The following SNRPD1 variants were observed in gnomAD, a reference collection of about 807,000 sequenced individuals.
The protein encoded by SNRPD1 is small nuclear ribonucleoprotein D1 polypeptide, also known as small nuclear ribonucleoprotein Sm D1.
SNRPD1 carries 1 observed loss-of-function variant against 14.4 expected under a neutral mutation model. That is an observed-to-expected ratio of 0.07 (90% CI 0.02 to 0.33). SNRPD1 has a LOEUF of 0.33. Ranked by LOEUF, SNRPD1 falls within the 10% of genes least tolerant of loss-of-function variation. The pLI is 1.00. For synonymous variants in SNRPD1, 42 were observed against 50.3 expected, an observed-to-expected ratio of 0.83 and a Z score of 0.70; for missense variants, 52 against 146.4, an observed-to-expected ratio of 0.36 and a Z score of 3.33.
chr18:21,621,121 TTG>T (rs1598492354), intron 1 of SNRPD1, among the ~76,000 whole-genome samples: 2 of 152,020 alleles, frequency 1.3e-5, no homozygotes, highest in East Asian at 3.9e-4. Flanking sequence ...TGAGCCGAGA[TTG>T]TGCCACTACA....
At position 21,629,071 on chromosome 18, in the gene SNRPD1, G is replaced by T; in HGVS notation, c.293G>T (p.Arg98Ile). ...TTTTCTTTTCCTTCAGTTGCAGGAA[G>T]AGGCAGAGGAAGAGGAAGAGGAAGA... ...KSKKREAVAG[R>I]GRGRGRGRGR... Residue 98 changes from arginine to isoleucine, a missense_variant, in exon 4 of 4, where the codon AGA (arginine) becomes ATA (isoleucine). Arg to Ile is a moderately conservative substitution (Grantham distance 97). Transcript: ENST00000300413. 1 of 1,613,856 alleles carries T rather than the reference G, an allele frequency of 6.2e-7. No homozygotes were observed. The highest frequency in any genetic ancestry group is 8.5e-7 in the Non-Finnish European group (1 of 1,179,786).
At chr18:21,613,353 G>GT (rs1434439895) in intron 1 of SNRPD1, among the ~76,000 whole-genome samples, 1 of 152,052 alleles carries the variant, frequency 6.6e-6, no homozygotes, top group South Asian at 2.1e-4. Context: ...TATTTAGCTT[G>GT]TTTTTTTCCT....
intron 2 of SNRPD1, 148 bp downstream of exon 2, chr18:21,622,949 A>G: frequency 2.0e-6 from 1 of 492,152 alleles, no homozygotes; most frequent in African/African-American, 2.1e-5. Flanking sequence ...TTTTTTTTTA[A>G]ACAGTTTTGC....
chr18:21,621,032 G>A (rs2038993485), intron 1 of SNRPD1, among the ~76,000 whole-genome samples: 2 of 151,954 alleles, frequency 1.3e-5, no homozygotes, highest in African/African-American at 2.4e-5. Context: ...GCCAGGTGTG[G>A]TGGCGAGCGC....
intron 3 of SNRPD1, among the ~76,000 whole-genome samples, chr18:21,624,710 A>T (rs1187192982): frequency 1.3e-5 from 2 of 150,980 alleles, no homozygotes; most frequent in Admixed American, 6.6e-5. Flanking sequence ...AAATATATAT[A>T]TATATATATG....
chr18:21,625,884 C>T (rs1429826752), intron 3 of SNRPD1, among the ~76,000 whole-genome samples: 1 of 152,142 alleles, frequency 6.6e-6, no homozygotes, highest in Non-Finnish European at 1.5e-5. Context: ...GCTGGGATTA[C>T]AGGCGTGAGC....
chr18:21,624,702 AT>A (rs60021631), intron 3 of SNRPD1, among the ~76,000 whole-genome samples: 59,833 of 139,246 alleles, frequency 0.43, 13,141 homozygotes, highest in African/African-American at 0.6. Flanking sequence ...AAAAAAAAAA[AT>A]ATATATATAT....
In SNRPD1 at chr18:21,613,479, G is replaced by A. The variant is rs78162981; in HGVS notation, c.14+1036G>A. Among the ~76,000 whole-genome samples, 1,074 of 152,270 alleles carry A rather than the reference G, an allele frequency of 7.1e-3. 7 individuals are homozygous for A. The highest frequency in any genetic ancestry group is 0.011 in the Non-Finnish European group (715 of 68,016). On this transcript the variant is annotated intron_variant, in intron 1 of 3. Coordinates refer to ENST00000300413, the MANE Select transcript of SNRPD1 (RefSeq NM_006938.4). Reference sequence around the variant, plus strand: ...GTACCTGCCTTGTTGGAGTTTTCTGGTTAGTGGGGATGACAGACAAGTAGA... The same window carrying A: ...GTACCTGCCTTGTTGGAGTTTTCTGATTAGTGGGGATGACAGACAAGTAGA...
chr18:21,612,326 A>C lies in SNRPD1; in HGVS notation c.-104A>C, dbSNP rs2038923844. 10 of 800,632 alleles carry C rather than the reference A, an allele frequency of 1.2e-5. No individual in the cohort carries two copies. In the South Asian group the frequency reaches 2.2e-4, roughly 18 times the overall value. The allele number at this position is 800,632 out of a possible 1,614,324, so 49.6% of individuals were successfully genotyped here. A position where few individuals can be genotyped will look rare whatever the true frequency, so the allele number is the denominator to read the frequency against. On this transcript the variant is annotated 5_prime_UTR_variant, in exon 1 of 4. Coordinates refer to ENST00000300413, the MANE Select transcript of SNRPD1 (RefSeq NM_006938.4). The stretch of plus-strand genomic sequence containing the variant: ...TGCTCCGCGCGCTCTTGACGTCCGG[A>C]GCCCCTGGAGTAGGCGCTTCCGGCC...
At chr18:21,625,316 A>ATTTTTTTTTTTTTTTTTTTTTTTT (rs144395165) in intron 3 of SNRPD1, among the ~76,000 whole-genome samples, 2 of 109,110 alleles carry the variant, frequency 1.8e-5, no homozygotes, top group African/African-American at 1.0e-4. Flanking sequence ...GTTGAAAAAA[A>ATTTTTTTTTTTTTTTTTTTTTTTT]TTTTTTTTTT....
In SNRPD1 at chr18:21,616,502, C is replaced by T. The variant is rs572771131; in HGVS notation, c.14+4059C>T. Reference sequence around the variant, plus strand: ...CCTCCCAAGTAGCTGGGATTACAGGCGCCTGCCACCACGCCTGGCTAATTT... The same window carrying T: ...CCTCCCAAGTAGCTGGGATTACAGGTGCCTGCCACCACGCCTGGCTAATTT... On this transcript the variant is annotated intron_variant, in intron 1 of 3. Coordinates refer to ENST00000300413, the MANE Select transcript of SNRPD1 (RefSeq NM_006938.4). Among the ~76,000 whole-genome samples, 173 of 151,954 alleles carry T rather than the reference C, an allele frequency of 1.1e-3. 3 individuals carry two copies. In the South Asian group the frequency reaches 0.032, roughly 28 times the overall value.
chr18:21,629,078 A>G lies in SNRPD1; in HGVS notation c.300A>G (p.Arg100=). 6.2e-7 allele frequency: 1 copy of G among 1,612,382 alleles called. No individual in the cohort carries two copies. Among genetic ancestry groups the G allele is most frequent in the East Asian group, 2.2e-5 (1 of 44,854 alleles). The stretch of plus-strand genomic sequence containing the variant: ...TTCCTTCAGTTGCAGGAAGAGGCAG[A>G]GGAAGAGGAAGAGGAAGAGGACGTG... The part of the protein sequence containing the change: ...KKREAVAGRG[R]GRGRGRGRGR... The change falls in exon 4 of 4, where the codon AGA becomes AGG. Residue 100 remains arginine, a synonymous_variant. Transcript: ENST00000300413.
At chr18:21,624,704 A>G (rs1259685900) in intron 3 of SNRPD1, among the ~76,000 whole-genome samples, 2 of 107,196 alleles carry the variant, frequency 1.9e-5, no homozygotes, top group Non-Finnish European at 3.9e-5. Flanking sequence ...AAAAAAAAAT[A>G]TATATATATA....
intron 1 of SNRPD1, among the ~76,000 whole-genome samples, chr18:21,616,711 G>A (rs577684592): frequency 8.4e-4 from 119 of 142,378 alleles, no homozygotes; most frequent in African/African-American, 2.9e-3. Flanking sequence ...TTTTGAGATG[G>A]AGTCTTGCTC....
In SNRPD1 at chr18:21,633,421, C is replaced by CAA. The variant is rs2039100470; in HGVS notation, c.*4284_*4285dup. On this transcript the variant is annotated 3_prime_UTR_variant, in exon 4 of 4. Transcript: ENST00000300413. ...AAGAAGAATCTCTGTCATAATAAAC[C>CAA]AACAGCAGACATTTTCTAAAGGCAT... is the stretch of plus-strand genomic sequence containing the variant. The CAA allele has an allele frequency of 6.6e-6, 1 of 152,070 alleles. No homozygotes were observed. Among genetic ancestry groups the CAA allele is most frequent in the Admixed American group, 6.6e-5 (1 of 15,266 alleles). 9.4% of individuals were successfully genotyped at this position (152,070 alleles called of 1,614,324 possible). A position where few individuals can be genotyped will look rare whatever the true frequency, so the allele number is the denominator to read the frequency against.
chr18:21,625,605 C>T (rs995543225), intron 3 of SNRPD1, among the ~76,000 whole-genome samples: 7 of 151,168 alleles, frequency 4.6e-5, no homozygotes, highest in African/African-American at 7.3e-5. Context: ...CAGGAACCAC[C>T]GCGCCCAGCC....
At chr18:21,622,330 C>T (rs962555638) in intron 1 of SNRPD1, among the ~76,000 whole-genome samples, 7 of 152,004 alleles carry the variant, frequency 4.6e-5, no homozygotes, top group East Asian at 1.9e-4. Context: ...TTAGTAGAGA[C>T]GGGGTTTCAC....
At position 21,629,330 on chromosome 18, in the gene SNRPD1, A is replaced by G. The variant is rs1384298022; in HGVS notation, c.*192A>G. 1.0e-5 allele frequency: 5 copies of G among 490,892 alleles called. No homozygotes were observed. Among genetic ancestry groups the G allele is most frequent in the Non-Finnish European group, 1.8e-5 (5 of 274,346 alleles). The allele number at this position is 490,892 out of a possible 1,614,324, so 30.4% of individuals were successfully genotyped here. A position where few individuals can be genotyped will look rare whatever the true frequency, so the allele number is the denominator to read the frequency against. Reference sequence around the variant, plus strand: ...CTAAGCATTTCTACTGGGCAGTTTCATTTTTAGTTGATCAGGTTTTAAGTT... The same window carrying G: ...CTAAGCATTTCTACTGGGCAGTTTCGTTTTTAGTTGATCAGGTTTTAAGTT... On this transcript the variant is annotated 3_prime_UTR_variant, in exon 4 of 4. Coordinates refer to ENST00000300413, the MANE Select transcript of SNRPD1 (RefSeq NM_006938.4).
intron 3 of SNRPD1, among the ~76,000 whole-genome samples, chr18:21,624,310 C>CTT: frequency 6.8e-6 from 1 of 146,470 alleles, no homozygotes; most frequent in South Asian, 2.2e-4. Context: ...ACCCAGTAGG[C>CTT]GGAGGTTGCA....
Sources: gnomAD v4.1 joint callset for allele counts (sites outside exome capture counted in the v4.1 genomes callset) on GRCh38, gnomAD v4.1.1 for gene constraint, MANE v1.5 for transcripts, NCBI Gene and HGNC (gene_info 2026-07-23, HGNC 2026-07-21) for gene names.